ATP8B4: variants seen among roughly 807,000 people sequenced by gnomAD.
ATP8B4 encodes the protein ATPase phospholipid transporting 8B4 (putative), also known as probable phospholipid-transporting ATPase IM.
In ATP8B4, 133 loss-of-function variants were observed where a neutral mutation model predicts 145.6. The ratio of observed to expected loss-of-function variants is 0.91; its 90% CI spans 0.79 to 1.05. The LOEUF (loss-of-function observed/expected upper bound fraction) is 1.05, where lower values mean the gene tolerates loss of function less well. ATP8B4 is among the 50% of genes least tolerant of loss of function. ATP8B4 has a pLI of 0.00. For missense variants in ATP8B4, 1,458 were observed against 1,425.2 expected, an observed-to-expected ratio of 1.02 and a Z score of -0.37; for synonymous variants, 507 against 492.9, an observed-to-expected ratio of 1.03 and a Z score of -0.38.
chr15:50,150,170 C>A (rs1385251782), intron 1 of ATP8B4, among the ~76,000 whole-genome samples: 1 of 152,028 alleles, frequency 6.6e-6, no homozygotes. Context: ...GTAACAGTAA[C>A]AAGAGTGACA....
chr15:49,970,628 C>G (rs904986664), intron 13 of ATP8B4, among the ~76,000 whole-genome samples: 6 of 152,234 alleles, frequency 3.9e-5, no homozygotes, highest in Middle Eastern at 3.4e-3. Flanking sequence ...AGAGAGGACA[C>G]AAACAATGGG....
At chr15:50,133,407 C>T (rs2044075492) in intron 1 of ATP8B4, among the ~76,000 whole-genome samples, 1 of 150,206 alleles carries the variant, frequency 6.7e-6, no homozygotes, top group South Asian at 2.1e-4. Flanking sequence ...GGGGAAACTT[C>T]ATCTCTACAA....
rs1001334427 is a variant in ATP8B4 at position 49,961,497 on chromosome 15, T to G, written c.1287+480A>C. Reference sequence around the variant, plus strand: ...GAAATAACATATGTACACAGTTTTTTTGCTGCATTTTCTTTACTAGAAAAA... The same window carrying G: ...GAAATAACATATGTACACAGTTTTTGTGCTGCATTTTCTTTACTAGAAAAA... On this transcript the variant is annotated intron_variant, in intron 14 of 27. Transcript: ENST00000284509. Among the ~76,000 whole-genome samples, 10 of 152,360 alleles carry G rather than the reference T, an allele frequency of 6.6e-5. No homozygotes were observed. In the East Asian group the frequency reaches 1.7e-3, roughly 26 times the overall value.
chr15:50,163,473 C>T (rs2044550680), intron 1 of ATP8B4, among the ~76,000 whole-genome samples: 1 of 152,200 alleles, frequency 6.6e-6, no homozygotes, highest in African/African-American at 2.4e-5. Context: ...TTACTTTTCC[C>T]CAAACAAATG....
intron 10 of ATP8B4, chr15:49,982,639 G>A (rs537507646): frequency 4.6e-5 from 7 of 152,270 alleles, no homozygotes; most frequent in Non-Finnish European, 8.8e-5. Flanking sequence ...CCAGTTAGGT[G>A]CTGAAAATGT....
intron 14 of ATP8B4, among the ~76,000 whole-genome samples, chr15:49,951,298 G>A (rs901895829): frequency 2.0e-5 from 3 of 152,168 alleles, no homozygotes; most frequent in African/African-American, 7.2e-5. Flanking sequence ...ACAGTGGGAT[G>A]TTAAAGTCTC....
intron 1 of ATP8B4, among the ~76,000 whole-genome samples, chr15:50,107,790 T>C (rs1297363273): frequency 6.6e-6 from 1 of 151,984 alleles, no homozygotes; most frequent in Non-Finnish European, 1.5e-5. Flanking sequence ...CCAACACACA[T>C]AAAGAAGAAG....
At chr15:50,162,161 C>T (rs568373968) in intron 1 of ATP8B4, among the ~76,000 whole-genome samples, 2 of 152,106 alleles carry the variant, frequency 1.3e-5, no homozygotes, top group African/African-American at 4.8e-5. Context: ...TTGTATGTTA[C>T]TTTTCTTGTA....
chr15:50,105,968 A>G (rs2056659018), intron 2 of ATP8B4, among the ~76,000 whole-genome samples: 1 of 152,188 alleles, frequency 6.6e-6, no homozygotes. Flanking sequence ...ACTCCTGATT[A>G]GCATTGGGAA....
chr15:50,133,873 T>C (rs1420419834), intron 1 of ATP8B4, among the ~76,000 whole-genome samples: 5 of 152,062 alleles, frequency 3.3e-5, no homozygotes, highest in Admixed American at 2.6e-4. Context: ...TGGTGGTTCA[T>C]GCATGGAATC....
intron 24 of ATP8B4, 139 bp from the exon 25 acceptor site, chr15:49,876,662 A>G (rs1374019209): frequency 6.0e-6 from 7 of 1,174,096 alleles, no homozygotes; most frequent in Non-Finnish European, 8.6e-6. Context: ...ACAGGACATT[A>G]TCTTGTTTGT....
chr15:50,096,873 C>G (rs1191765253), intron 2 of ATP8B4, among the ~76,000 whole-genome samples: 2 of 152,134 alleles, frequency 1.3e-5, no homozygotes, highest in Non-Finnish European at 2.9e-5. Context: ...TAGAAGAGAA[C>G]TCATGAGGAA....
intron 1 of ATP8B4, among the ~76,000 whole-genome samples, chr15:50,118,661 A>T (rs1156763063): frequency 1.3e-5 from 2 of 152,234 alleles, no homozygotes; most frequent in Non-Finnish European, 2.9e-5. Flanking sequence ...CACTAAAAAC[A>T]TAACCCTCAA....
At chr15:50,056,880 T>G (rs1207628621) in intron 3 of ATP8B4, among the ~76,000 whole-genome samples, 1 of 151,946 alleles carries the variant, frequency 6.6e-6, no homozygotes, top group Non-Finnish European at 1.5e-5. Context: ...ACATATAGAT[T>G]AATTTCTTTT....
At chr15:49,924,684 A>C (rs1270723731) in intron 16 of ATP8B4, among the ~76,000 whole-genome samples, 1 of 152,162 alleles carries the variant, frequency 6.6e-6, no homozygotes, top group Non-Finnish European at 1.5e-5. Context: ...AGATCTAATA[A>C]CATACCCTGG....
At chr15:50,033,072 G>C (rs574052379) in intron 6 of ATP8B4, among the ~76,000 whole-genome samples, 295 of 152,266 alleles carry the variant, frequency 1.9e-3, no homozygotes, top group African/African-American at 6.9e-3. Flanking sequence ...TATTTGTTCA[G>C]GTAATTATGC....
At chr15:49,995,104 T>C (rs75800288) in intron 9 of ATP8B4, among the ~76,000 whole-genome samples, 10,509 of 152,196 alleles carry the variant, frequency 0.069, 388 homozygotes, top group Non-Finnish European at 0.086. Context: ...AACTGCATCA[T>C]AGTGTAGCCT....
At chr15:50,050,111 C>A (rs1229996021) in intron 3 of ATP8B4, among the ~76,000 whole-genome samples, 1 of 152,182 alleles carries the variant, frequency 6.6e-6, no homozygotes, top group Non-Finnish European at 1.5e-5. Context: ...ATTCCCAAAC[C>A]TTTCAACCAT....
chr15:49,955,665 T>C (rs2043496157), intron 14 of ATP8B4, among the ~76,000 whole-genome samples: 1 of 152,160 alleles, frequency 6.6e-6, no homozygotes, highest in Admixed American at 6.5e-5. Context: ...ATGTGATAGA[T>C]ACATACAATG....
Sources: allele counts gnomAD v4.1 joint callset (sites outside exome capture counted in the v4.1 genomes callset), GRCh38; gene constraint gnomAD v4.1.1; transcripts MANE v1.5; gene names NCBI Gene and HGNC (gene_info 2026-07-23, HGNC 2026-07-21).